FAM171A1: variants seen among roughly 807,000 people sequenced by gnomAD.
FAM171A1 encodes protein FAM171A1.
In FAM171A1, 23 loss-of-function variants were observed where a neutral mutation model predicts 74.9. The ratio of observed to expected loss-of-function variants is 0.31; its 90% CI spans 0.22 to 0.44. The LOEUF is 0.44. Ranked by LOEUF, FAM171A1 falls within the 20% of genes least tolerant of loss-of-function variation. The pLI, the probability that FAM171A1 is intolerant of heterozygous loss-of-function variation, is 1.00. For missense variants in FAM171A1, 1,162 were observed against 1,159.2 expected (o/e 1.00, Z -0.03); for synonymous variants, 527 against 505.7 (o/e 1.04, Z -0.57).
intron 1 of FAM171A1, among the ~76,000 whole-genome samples, chr10:15,299,222 T>G (rs1835198541): frequency 6.6e-6 from 1 of 152,094 alleles, no homozygotes; most frequent in Non-Finnish European, 1.5e-5. Context: ...CCAGGCCAGT[T>G]TTGTTGATAT....
At chr10:15,223,502 C>T (rs1311683724) in intron 5 of FAM171A1, among the ~76,000 whole-genome samples, 1 of 152,248 alleles carries the variant, frequency 6.6e-6, no homozygotes, top group Non-Finnish European at 1.5e-5. Context: ...AGAGTAAGTC[C>T]TGCTCATTCA....
intron 1 of FAM171A1, among the ~76,000 whole-genome samples, chr10:15,295,494 G>A (rs1835151212): frequency 6.6e-6 from 1 of 152,212 alleles, no homozygotes; most frequent in Non-Finnish European, 1.5e-5. Context: ...AAAAGGGAAA[G>A]TAAAGTTTGT....
intron 1 of FAM171A1, among the ~76,000 whole-genome samples, chr10:15,296,692 C>T (rs1273783825): frequency 1.3e-5 from 2 of 151,230 alleles, no homozygotes; most frequent in African/African-American, 2.4e-5. Flanking sequence ...CTGAACCTCA[C>T]TATGGATCTG....
At chr10:15,303,452 G>A (rs1335987841) in intron 1 of FAM171A1, among the ~76,000 whole-genome samples, 1 of 152,114 alleles carries the variant, frequency 6.6e-6, no homozygotes, top group African/African-American at 2.4e-5. Flanking sequence ...ATGGTTCTTA[G>A]TTCGTGTCAA....
chr10:15,260,553 T>C (rs1384380564), intron 3 of FAM171A1, among the ~76,000 whole-genome samples: 1 of 152,204 alleles, frequency 6.6e-6, no homozygotes, highest in South Asian at 2.1e-4. Flanking sequence ...TCCCATTTCC[T>C]CTTCCCATTA....
chr10:15,280,478 T>C (rs1834953708), intron 2 of FAM171A1, among the ~76,000 whole-genome samples: 1 of 152,110 alleles, frequency 6.6e-6, no homozygotes, highest in South Asian at 2.1e-4. Flanking sequence ...TGACAGCCTT[T>C]AGTGGATGGA....
intron 2 of FAM171A1, among the ~76,000 whole-genome samples, chr10:15,282,511 T>C (rs1834982838): frequency 6.6e-6 from 1 of 152,180 alleles, no homozygotes; most frequent in African/African-American, 2.4e-5. Flanking sequence ...TGCGTTTCCC[T>C]TGTAGCAGTG....
At chr10:15,266,086 C>T (rs12263544) in intron 3 of FAM171A1, among the ~76,000 whole-genome samples, 16,470 of 152,174 alleles carry the variant, frequency 0.11, 1,065 homozygotes, top group African/African-American at 0.16. Flanking sequence ...CCACGGACGC[C>T]GTCTGCTCCT....
chr10:15,244,845 T>C (rs1834411353), intron 5 of FAM171A1, among the ~76,000 whole-genome samples: 1 of 152,102 alleles, frequency 6.6e-6, no homozygotes, highest in Admixed American at 6.5e-5. Context: ...ACGTGCACAA[T>C]GTGCTCAGGA....
chr10:15,340,414 A>G (rs1487983391), intron 1 of FAM171A1, among the ~76,000 whole-genome samples: 2 of 152,166 alleles, frequency 1.3e-5, no homozygotes, highest in Non-Finnish European at 2.9e-5. Flanking sequence ...ATGTCCCACT[A>G]TATTGAAATT....
intron 2 of FAM171A1, among the ~76,000 whole-genome samples, chr10:15,278,840 A>G (rs189691505): frequency 6.6e-6 from 1 of 152,306 alleles, no homozygotes; most frequent in Admixed American, 6.5e-5. Flanking sequence ...AGGAACCCCA[A>G]CTTGGGTAAA....
At chr10:15,345,847 C>T (rs911072376) in intron 1 of FAM171A1, among the ~76,000 whole-genome samples, 1 of 152,098 alleles carries the variant, frequency 6.6e-6, no homozygotes, top group African/African-American at 2.4e-5. Flanking sequence ...CTAGAGAGGC[C>T]CCTGCCGTGG....
At chr10:15,258,803 GT>G (rs1319946047) in intron 3 of FAM171A1, among the ~76,000 whole-genome samples, 1 of 152,162 alleles carries the variant, frequency 6.6e-6, no homozygotes, top group Non-Finnish European at 1.5e-5. Flanking sequence ...TCTGCCTGCT[GT>G]TTCCTTTGCA....
chr10:15,250,315 A>T (rs932073495), intron 4 of FAM171A1, among the ~76,000 whole-genome samples: 11 of 152,256 alleles, frequency 7.2e-5, no homozygotes, highest in African/African-American at 2.7e-4. Flanking sequence ...CCAACCAACA[A>T]AACTCAGAAT....
chr10:15,233,672 G>A (rs571090161), intron 5 of FAM171A1, among the ~76,000 whole-genome samples: 3 of 152,112 alleles, frequency 2.0e-5, no homozygotes, highest in Non-Finnish European at 2.9e-5. Context: ...GGGAGGCCGA[G>A]GTGGGTGGAT....
At chr10:15,357,208 G>A (rs969616549) in intron 1 of FAM171A1, among the ~76,000 whole-genome samples, 2 of 152,092 alleles carry the variant, frequency 1.3e-5, no homozygotes, top group Non-Finnish European at 2.9e-5. Context: ...GCGTGAACCC[G>A]GGAGGTGGAG....
rs1440300404 is a variant in FAM171A1, at chr10:15,220,997, T to A, written c.818A>T (p.Tyr273Phe). The change falls in exon 6 of 8, where the codon TAC (tyrosine) becomes TTC (phenylalanine). Residue 273 changes from tyrosine (Y) to phenylalanine (F), a missense_variant. Coordinates refer to ENST00000378116, the MANE Select transcript of FAM171A1 (RefSeq NM_001010924.2). ...CCAGTACCCCAACTGGGGGGCAATG[T>A]ATGTCCACGTCAGCTGGCTGCCTTC... ...HQEGSQLTWT[Y>F]IAPQLGYWVA... The A allele has an allele frequency of 1.2e-6, 2 of 1,614,058 alleles. No individual in the cohort carries two copies. Among genetic ancestry groups the A allele is most frequent in the Admixed American group, 1.7e-5 (1 of 60,006 alleles).
intron 3 of FAM171A1, among the ~76,000 whole-genome samples, chr10:15,272,957 C>T (rs886559750): frequency 5.3e-5 from 8 of 152,146 alleles, no homozygotes; most frequent in African/African-American, 1.9e-4. Flanking sequence ...CTAAAATTGA[C>T]ACCCTAACAT....
intron 3 of FAM171A1, among the ~76,000 whole-genome samples, chr10:15,261,928 G>A (rs1193024162): frequency 6.6e-6 from 1 of 152,088 alleles, no homozygotes; most frequent in East Asian, 1.9e-4. Context: ...GAATAGCCTG[G>A]GCAACATAGA....
Sources: gnomAD v4.1 joint callset for allele counts (sites outside exome capture counted in the v4.1 genomes callset) on GRCh38, gnomAD v4.1.1 for gene constraint, MANE v1.5 for transcripts, NCBI Gene and HGNC (gene_info 2026-07-23, HGNC 2026-07-21) for gene names.